The following ADGRL2 variants were observed in gnomAD, a reference collection of about 807,000 sequenced individuals.
The protein encoded by ADGRL2 is adhesion G protein-coupled receptor L2.
ADGRL2 carries 44 observed loss-of-function variants against 157.4 expected under a neutral mutation model. The ratio of observed to expected loss-of-function variants is 0.28; its 90% CI spans 0.22 to 0.36. The LOEUF is 0.36. Among genes scored for constraint, ADGRL2 ranks in the 10% least tolerant of loss-of-function variants. ADGRL2 has a pLI of 1.00. For missense variants in ADGRL2, 1,510 were observed against 1,768.9 expected, an observed-to-expected ratio of 0.85 and a Z score of 2.63; for synonymous variants, 585 against 624.7, an observed-to-expected ratio of 0.94 and a Z score of 0.95.
chr1:81,510,235 G>A (rs939210205), intron 2 of ADGRL2, among the ~76,000 whole-genome samples: 5 of 152,216 alleles, frequency 3.3e-5, no homozygotes, highest in African/African-American at 9.6e-5. Flanking sequence ...TAATGATAAT[G>A]TGAAAACTGA....
intron 1 of ADGRL2, among the ~76,000 whole-genome samples, chr1:81,357,409 G>C (rs1663396840): frequency 1.3e-5 from 2 of 152,074 alleles, no homozygotes; most frequent in South Asian, 4.2e-4. Context: ...TGATTGCTTT[G>C]CTAAGCCCTC....
intron 1 of ADGRL2, among the ~76,000 whole-genome samples, chr1:81,802,425 C>G (rs2088373567): frequency 6.6e-6 from 1 of 152,078 alleles, no homozygotes. Flanking sequence ...CCAATCTCCT[C>G]TTGGAAATCG....
chr1:81,644,552 G>A (rs2148815686), intron 3 of ADGRL2, among the ~76,000 whole-genome samples: 1 of 152,184 alleles, frequency 6.6e-6, no homozygotes, highest in South Asian at 2.1e-4. Context: ...TTAAAAATGG[G>A]CCAAAGACCT....
At chr1:81,645,890 A>G (rs2082306721) in intron 3 of ADGRL2, among the ~76,000 whole-genome samples, 1 of 152,100 alleles carries the variant, frequency 6.6e-6, no homozygotes, top group Non-Finnish European at 1.5e-5. Flanking sequence ...ATGAAATTTA[A>G]TTTTAATATA....
chr1:81,532,129 T>G (rs1177429081), intron 2 of ADGRL2, among the ~76,000 whole-genome samples: 1 of 152,216 alleles, frequency 6.6e-6, no homozygotes, highest in African/African-American at 2.4e-5. Context: ...AATGGGAATA[T>G]GAATAACTAC....
intron 1 of ADGRL2, among the ~76,000 whole-genome samples, chr1:81,725,327 C>G (rs1406599315): frequency 1.3e-5 from 2 of 151,742 alleles, no homozygotes; most frequent in African/African-American, 4.8e-5. Flanking sequence ...ATCACAAGGT[C>G]AGGAATTTGA....
At chr1:81,514,054 CA>C (rs1207343791) in intron 2 of ADGRL2, 1 of 105,436 alleles carries the variant, frequency 9.5e-6, no homozygotes, top group Non-Finnish European at 1.7e-5. Context: ...AGCTGAAAGA[CA>C]AAAGTGTGAG....
chr1:81,552,074 A>T (rs1455588113), intron 2 of ADGRL2, among the ~76,000 whole-genome samples: 1 of 152,020 alleles, frequency 6.6e-6, no homozygotes, highest in Non-Finnish European at 1.5e-5. Flanking sequence ...TAAAAATTGA[A>T]CCCTCTCTGG....
At chr1:81,932,856 C>T (rs1435499633) in intron 3 of ADGRL2, among the ~76,000 whole-genome samples, 2 of 152,010 alleles carry the variant, frequency 1.3e-5, no homozygotes, top group Admixed American at 6.6e-5. Context: ...ACCATGCATG[C>T]CTGCGTGGCT....
intron 3 of ADGRL2, among the ~76,000 whole-genome samples, chr1:81,583,195 A>T (rs1352546077): frequency 6.6e-6 from 1 of 152,194 alleles, no homozygotes; most frequent in Non-Finnish European, 1.5e-5. Flanking sequence ...CTCTAAAAAA[A>T]CCAAAGAGAA....
chr1:81,797,105 T>C (rs1207382172), upstream of ADGRL2, among the ~76,000 whole-genome samples: 2 of 152,224 alleles, frequency 1.3e-5, no homozygotes, highest in Non-Finnish European at 2.9e-5. Flanking sequence ...AGCTTTAATG[T>C]AGTTTATTTT....
At chr1:81,562,224 G>A (rs2148457330) in intron 2 of ADGRL2, among the ~76,000 whole-genome samples, 1 of 152,236 alleles carries the variant, frequency 6.6e-6, no homozygotes, top group South Asian at 2.1e-4. Flanking sequence ...AAGGAAGAAA[G>A]TGGATAGTTA....
At chr1:81,967,884 G>A in intron 13 of ADGRL2, 142 bp from the exon 14 acceptor site, 1 of 669,130 alleles carries the variant, frequency 1.5e-6, no homozygotes, top group South Asian at 1.9e-5. Context: ...GTATAACATA[G>A]TCCACAATTT....
rs572903865 is a variant in ADGRL2 at position 81,755,946 on chromosome 1, C to T, written c.-142-5865C>T. 4.0e-4 allele frequency among the ~76,000 whole-genome samples: 61 copies of T among 152,238 alleles called. 1 individual carries two copies. In the South Asian group the frequency reaches 0.01, roughly 25 times the overall value. ...AAATAAATAATCTCACACCTCAATC[C>T]GCACCTATTAAATTAGGTTCCTCAT... On this transcript the variant is annotated intron_variant, in intron 1 of 20. Transcript: ENST00000359929.
At chr1:81,374,578 G>GAAAAAAAAAAAAAAAAAAAAA (rs71242588) in intron 1 of ADGRL2, among the ~76,000 whole-genome samples, 2 of 130,254 alleles carry the variant, frequency 1.5e-5, no homozygotes, top group African/African-American at 3.0e-5. Context: ...TCTCAAAAAA[G>GAAAAAAAAAAAAAAAAAAAAA]AAAAAAAAAA....
chr1:81,886,514 T>C (rs12723257), intron 2 of ADGRL2, among the ~76,000 whole-genome samples: 23,172 of 152,194 alleles, frequency 0.15, 1,828 homozygotes, highest in South Asian at 0.19. Flanking sequence ...TAAAATGTGA[T>C]TGTAATCAGA....
chr1:81,426,914 A>G, intron 1 of ADGRL2: 4 of 691,516 alleles, frequency 5.8e-6, no homozygotes, highest in South Asian at 4.2e-5. Flanking sequence ...GACTGAAACC[A>G]TGGAAGTTAT....
chr1:81,515,861 T>A (rs956598201), intron 2 of ADGRL2, among the ~76,000 whole-genome samples: 1 of 152,166 alleles, frequency 6.6e-6, no homozygotes, highest in Non-Finnish European at 1.5e-5. Flanking sequence ...TGTTTTTAAA[T>A]CTTCTTTTCT....
chr1:81,475,856 T>A (rs1358338665), intron 2 of ADGRL2, among the ~76,000 whole-genome samples: 1 of 152,200 alleles, frequency 6.6e-6, no homozygotes, highest in Non-Finnish European at 1.5e-5. Context: ...GTGAGGCTAT[T>A]ACAATCTGTG....
Sources: gnomAD v4.1 joint callset for allele counts (sites outside exome capture counted in the v4.1 genomes callset) on GRCh38, gnomAD v4.1.1 for gene constraint, MANE v1.5 for transcripts, NCBI Gene and HGNC (gene_info 2026-07-23, HGNC 2026-07-21) for gene names.